The following PCDHGA8 variants were observed in gnomAD, a reference collection of about 807,000 sequenced individuals.
PCDHGA8 encodes protocadherin gamma-A8.
In PCDHGA8, 45 loss-of-function variants were observed where a neutral mutation model predicts 59.2. The ratio of observed to expected loss-of-function variants is 0.76; its 90% CI spans 0.60 to 0.98. PCDHGA8 has a LOEUF of 0.98. PCDHGA8 is among the 50% of genes least tolerant of loss of function. PCDHGA8 has a pLI of 0.00. For synonymous variants in PCDHGA8, 531 were observed against 519.0 expected, an observed-to-expected ratio of 1.02 and a Z score of -0.32; for missense variants, 1,257 against 1,196.2, an observed-to-expected ratio of 1.05 and a Z score of -0.75.
intron 1 of PCDHGA8, chr5:141,409,184 T>G: frequency 6.2e-7 from 1 of 1,614,044 alleles, no homozygotes; most frequent in East Asian, 2.2e-5. Context: ...AGGTGGTCTC[T>G]CTACCCAGTG....
intron 1 of PCDHGA8, among the ~76,000 whole-genome samples, chr5:141,446,323 A>G (rs1372501599): frequency 6.6e-6 from 1 of 152,216 alleles, no homozygotes. Flanking sequence ...GGGTTTCCAC[A>G]TTAAGGAACT....
rs1177043977 is a variant in PCDHGA8, at chr5:141,491,919, C to G, written c.2425-2888C>G. On this transcript the variant is annotated intron_variant, in intron 1 of 3. Coordinates refer to ENST00000398604, the MANE Select transcript of PCDHGA8 (RefSeq NM_032088.2). The surrounding 1 kb of genome is among the most constrained non-coding windows in gnomAD (Gnocchi z 6.9). ...CACCGGGGGTGGTGGCGACTGTGGG[C>G]GAGGGGAGGTGGGACCGACCCCCAC... 5 of 1,361,900 alleles carry G rather than the reference C, an allele frequency of 3.7e-6. No homozygotes were observed. The South Asian group carries it at 7.8e-5, about 21-fold the overall frequency. The allele number at this position is 1,361,900 out of a possible 1,614,324, so 84.4% of individuals were successfully genotyped here. A position where few individuals can be genotyped will look rare whatever the true frequency, so the allele number is the denominator to read the frequency against.
chr5:141,475,820 C>T (rs890721743), intron 1 of PCDHGA8: 2 of 351,808 alleles, frequency 5.7e-6, no homozygotes, highest in African/African-American at 2.1e-5. Context: ...AAGTTCCTGG[C>T]GCTAGCGCGT....
intron 2 of PCDHGA8, among the ~76,000 whole-genome samples, chr5:141,504,506 A>T (rs575756846): frequency 1.3e-5 from 2 of 152,096 alleles, no homozygotes; most frequent in African/African-American, 4.8e-5. Context: ...GTCTGAGTGG[A>T]TCTCCTCTGA....
chr5:141,441,327 C>T (rs973149197), intron 1 of PCDHGA8: 2 of 152,196 alleles, frequency 1.3e-5, no homozygotes, highest in Admixed American at 6.5e-5. Flanking sequence ...AAAAATCTTC[C>T]TCCAATAATT....
At chr5:141,492,974 C>G (rs1479838959) in intron 1 of PCDHGA8, among the ~76,000 whole-genome samples, 1 of 152,244 alleles carries the variant, frequency 6.6e-6, no homozygotes, top group Non-Finnish European at 1.5e-5. Flanking sequence ...CTAACAAGTC[C>G]TGTCTCCTCT....
rs1342481070 is a variant in PCDHGA8 at position 141,485,056 on chromosome 5, C to T, written c.2425-9751C>T. 8 of 840,338 alleles carry T rather than the reference C, an allele frequency of 9.5e-6. No homozygotes were observed. The Admixed American group carries it at 1.9e-4, about 20-fold the overall frequency. 52.1% of individuals were successfully genotyped at this position (840,338 alleles called of 1,614,324 possible). A position where few individuals can be genotyped will look rare whatever the true frequency, so the allele number is the denominator to read the frequency against. The stretch of plus-strand genomic sequence containing the variant: ...CGTAACCCTTGCGGCGCCGGCCGAA[C>T]CGCGCCAGAGCTGGCGCGGGGAAAG... On this transcript the variant is annotated intron_variant, in intron 1 of 3. Transcript: ENST00000398604. The surrounding 1 kb of genome is among the most constrained non-coding windows in gnomAD (Gnocchi z 5.7).
At chr5:141,409,331 G>A (rs1447189643) in intron 1 of PCDHGA8, 1 of 1,613,818 alleles carries the variant, frequency 6.2e-7, no homozygotes, top group African/African-American at 1.3e-5. Context: ...TCTGGATTTC[G>A]GAGGAAATGG....
chr5:141,409,697 C>A (rs372548874), intron 1 of PCDHGA8: 1 of 1,613,178 alleles, frequency 6.2e-7, no homozygotes, highest in African/African-American at 1.3e-5. Context: ...CCTAGAGCCC[C>A]TGGCGGTGTC....
rs777100284 is a variant in PCDHGA8, at chr5:141,393,405, C to G, written c.592C>G (p.Arg198Gly). 6.2e-7 allele frequency: 1 copy of G among 1,613,914 alleles called. No individual in the cohort carries two copies. Among genetic ancestry groups the G allele is most frequent in the Admixed American group, 1.7e-5 (1 of 60,010 alleles). ...CATAAACCCAGAGCTGGTGCTGGAG[C>G]GCGCCCTGGACAGGGAGGAAGAGGC... is the stretch of plus-strand genomic sequence containing the variant. ...GAINPELVLERALDREEEAAH... is the reference protein window; with the variant it reads ...GAINPELVLEGALDREEEAAH... The change falls in exon 1 of 4, where the codon CGC becomes GGC. Residue 198 changes from arginine to glycine, a missense_variant. By Grantham distance (125) the Arg-to-Gly change is moderately radical. Transcript: ENST00000398604.
chr5:141,484,867 G>C lies in PCDHGA8; in HGVS notation c.2425-9940G>C, dbSNP rs573580017. The C allele has an allele frequency of 1.8e-5, 5 of 282,560 alleles. No homozygotes were observed. The Admixed American group carries it at 1.9e-4, about 11-fold the overall frequency. The allele number at this position is 282,560 out of a possible 1,614,324, so 17.5% of individuals were successfully genotyped here. A position where few individuals can be genotyped will look rare whatever the true frequency, so the allele number is the denominator to read the frequency against. ...TGGGTTTTTTGGGGGGTGGGGGAGC[G>C]TGGAGGATAGGGTGGGCTTTTTCCC... On this transcript the variant is annotated intron_variant, in intron 1 of 3. Coordinates refer to ENST00000398604, the MANE Select transcript of PCDHGA8 (RefSeq NM_032088.2).
chr5:141,492,501 G>A (rs551410616), intron 1 of PCDHGA8, among the ~76,000 whole-genome samples: 8 of 152,302 alleles, frequency 5.3e-5, no homozygotes, highest in East Asian at 1.9e-4. Flanking sequence ...CGAGGACTCC[G>A]GAGCCTCCTC....
chr5:141,435,686 T>C (rs2097774326), intron 1 of PCDHGA8, among the ~76,000 whole-genome samples: 1 of 152,340 alleles, frequency 6.6e-6, no homozygotes, highest in Non-Finnish European at 1.5e-5. Flanking sequence ...GAGAACTTTA[T>C]GCTTATTGTA....
At chr5:141,408,188 G>A in intron 1 of PCDHGA8, 6 of 1,543,620 alleles carry the variant, frequency 3.9e-6, no homozygotes, top group Non-Finnish European at 4.4e-6. Flanking sequence ...GACCCAGCGA[G>A]AACCCGAGCG....
At chr5:141,417,517 T>C (rs2096127273) in intron 1 of PCDHGA8, 1 of 255,788 alleles carries the variant, frequency 3.9e-6, no homozygotes, top group East Asian at 7.9e-5. Flanking sequence ...ATATTTTGGC[T>C]GTCAACTCGT....
In PCDHGA8 at chr5:141,461,484, T is replaced by C. The variant is rs1171584384; in HGVS notation, c.2425-33323T>C. On this transcript the variant is annotated intron_variant, in intron 1 of 3. Transcript: ENST00000398604. ...GTCCTTTGCCTACTTTTTAATGGGATTGTGTTTTATTTTTCTTGGTGATTT... is the reference window on the plus strand; with the variant it reads ...GTCCTTTGCCTACTTTTTAATGGGACTGTGTTTTATTTTTCTTGGTGATTT... 2.6e-5 allele frequency among the ~76,000 whole-genome samples: 4 copies of C among 152,152 alleles called. No homozygotes were observed. In the East Asian group the frequency reaches 7.7e-4, roughly 29 times the overall value.
intron 2 of PCDHGA8, among the ~76,000 whole-genome samples, chr5:141,501,301 ACAC>A (rs1380901086): frequency 6.6e-6 from 1 of 150,882 alleles, no homozygotes; most frequent in African/African-American, 2.4e-5. Context: ...ACACACACAC[ACAC>A]ACACACACAC....
Position 141,408,292 on chromosome 5 carries a change from T to C in PCDHGA8, c.2424+13055T>C, listed in dbSNP as rs752767472. On this transcript the variant is annotated intron_variant, in intron 1 of 3. Coordinates refer to ENST00000398604, the MANE Select transcript of PCDHGA8 (RefSeq NM_032088.2). ...TGCCTTTGTTCTACCCCACCCTGAGTGAGCCGATCCGCTACTCGATTCCGG... is the reference window on the plus strand; with the variant it reads ...TGCCTTTGTTCTACCCCACCCTGAGCGAGCCGATCCGCTACTCGATTCCGG... The C allele has an allele frequency of 5.0e-6, 8 of 1,613,504 alleles. No homozygotes were observed. The South Asian group carries it at 8.8e-5, about 18-fold the overall frequency.
At chr5:141,499,029 A>AAGGAAGGAAGGAAGG (rs1562187768) in intron 2 of PCDHGA8, among the ~76,000 whole-genome samples, 10 of 139,968 alleles carry the variant, frequency 7.1e-5, no homozygotes, top group African/African-American at 2.8e-4. Context: ...AGGAAGGAAG[A>AAGGAAGGAAGGAAGG]AAAGAAAGAA....
Sources: gnomAD v4.1 joint callset for allele counts (sites outside exome capture counted in the v4.1 genomes callset) on GRCh38, gnomAD v4.1.1 for gene constraint, Gnocchi (gnomAD v3.1) non-coding constraint, MANE v1.5 for transcripts, NCBI Gene and HGNC (gene_info 2026-07-23, HGNC 2026-07-21) for gene names.